Variants in SLAMF1 observed in about 807,000 individuals in gnomAD.
SLAMF1 encodes the protein signaling lymphocytic activation molecule family member 1.
A neutral mutation model predicts 35.1 loss-of-function variants in SLAMF1; 18 were observed. The ratio of observed to expected loss-of-function variants is 0.51; its 90% CI spans 0.35 to 0.76. The LOEUF (loss-of-function observed/expected upper bound fraction) is 0.76. SLAMF1 is among the 30% of genes least tolerant of loss of function. SLAMF1 has a pLI of 0.01. For missense variants in SLAMF1, 392 were observed against 413.0 expected, an observed-to-expected ratio of 0.95 and a Z score of 0.44; for synonymous variants, 168 against 157.2, an observed-to-expected ratio of 1.07 and a Z score of -0.51.
At chr1:160,622,613 G>A (rs1659674594) in intron 4 of SLAMF1, among the ~76,000 whole-genome samples, 1 of 152,100 alleles carries the variant, frequency 6.6e-6, no homozygotes, top group African/African-American at 2.4e-5. Context: ...ACCCATCGAT[G>A]GGAACCACTG....
intron 1 of SLAMF1, among the ~76,000 whole-genome samples, chr1:160,646,053 G>C (rs1336352547): frequency 2.0e-5 from 3 of 152,060 alleles, no homozygotes; most frequent in African/African-American, 2.4e-5. Context: ...TTCTTGCTTG[G>C]CTTTTTCTTT....
chr1:160,646,753 C>A, intron 1 of SLAMF1, 117 bp downstream of exon 1: 1 of 653,988 alleles, frequency 1.5e-6, no homozygotes, highest in Non-Finnish European at 2.9e-6. Context: ...CAGCCAGTCC[C>A]TAAGGAAGAG....
chr1:160,626,787 G>A (rs1659906241), intron 3 of SLAMF1, among the ~76,000 whole-genome samples: 2 of 152,050 alleles, frequency 1.3e-5, no homozygotes, highest in Admixed American at 1.3e-4. Context: ...AGCCCTCTGA[G>A]CAGCCAACCC....
chr1:160,617,015 G>T (rs971360204), intron 5 of SLAMF1, among the ~76,000 whole-genome samples: 3 of 152,122 alleles, frequency 2.0e-5, no homozygotes, highest in Admixed American at 2.0e-4. Flanking sequence ...AATGAGCCAG[G>T]TGTGGTGGTG....
chr1:160,634,739 G>A lies in SLAMF1; in HGVS notation c.574C>T (p.His192Tyr). Residue 192 changes from histidine (H) to tyrosine (Y), a missense_variant, in exon 3 of 7, where the codon CAC becomes TAC. Transcript: ENST00000302035. ...GGGCCGAGGGTGAGGGACAGGAGGTGGGAGCTGTTGGCTGGGTTCAGTGGG... is the reference window on the plus strand; with the variant it reads ...GGGCCGAGGGTGAGGGACAGGAGGTAGGAGCTGTTGGCTGGGTTCAGTGGG... ...THPLNPANSS[H>Y]LLSLTLGPQH... 6.2e-7 allele frequency: 1 copy of A among 1,614,200 alleles called. No homozygotes were observed. Among genetic ancestry groups the A allele is most frequent in the Non-Finnish European group, 8.5e-7 (1 of 1,180,038 alleles).
intron 2 of SLAMF1, among the ~76,000 whole-genome samples, chr1:160,635,330 T>C (rs1211670194): frequency 6.6e-6 from 1 of 152,094 alleles, no homozygotes; most frequent in Non-Finnish European, 1.5e-5. Flanking sequence ...GGAGGGTGTG[T>C]GTGTGTATGT....
At chr1:160,641,544 G>C (rs981503278) in intron 1 of SLAMF1, among the ~76,000 whole-genome samples, 1 of 152,184 alleles carries the variant, frequency 6.6e-6, no homozygotes, top group African/African-American at 2.4e-5. Flanking sequence ...GGGTAGATGA[G>C]AGAGGCTGAG....
chr1:160,611,320 A>G (rs925770694), intron 6 of SLAMF1, among the ~76,000 whole-genome samples: 2 of 152,246 alleles, frequency 1.3e-5, no homozygotes, highest in Non-Finnish European at 2.9e-5. Flanking sequence ...AATGTTAACT[A>G]TAGCATACTG....
At chr1:160,634,590 C>A (rs373131920) in intron 3 of SLAMF1, 23 bp downstream of exon 3, 1 of 1,569,202 alleles carries the variant, frequency 6.4e-7, no homozygotes, top group Non-Finnish European at 8.7e-7. Flanking sequence ...AGGTGGCACA[C>A]AGGCTGCCAC....
chr1:160,627,785 C>T (rs1028746114), intron 3 of SLAMF1, among the ~76,000 whole-genome samples: 2 of 152,256 alleles, frequency 1.3e-5, no homozygotes, highest in African/African-American at 4.8e-5. Context: ...TCTGTGCTTC[C>T]TTGGGTGCAA....
intron 3 of SLAMF1, among the ~76,000 whole-genome samples, chr1:160,628,874 C>T (rs1301183035): frequency 6.6e-6 from 1 of 152,216 alleles, no homozygotes; most frequent in African/African-American, 2.4e-5. Flanking sequence ...TCTGTGCCAT[C>T]GGCGCTTCAC....
At chr1:160,614,391 T>TAATG (rs1659173759) in intron 5 of SLAMF1, among the ~76,000 whole-genome samples, 1 of 151,648 alleles carries the variant, frequency 6.6e-6, no homozygotes, top group South Asian at 2.1e-4. Context: ...CTGGCCAACA[T>TAATG]AGTGAAACCC....
chr1:160,617,164 A>T (rs113155023), intron 5 of SLAMF1, among the ~76,000 whole-genome samples: 1 of 141,982 alleles, frequency 7.0e-6, no homozygotes, highest in Non-Finnish European at 1.6e-5. Context: ...TCAAAAAAAA[A>T]TTTAAAAAAA....
chr1:160,616,810 T>A (rs917283995), intron 5 of SLAMF1, among the ~76,000 whole-genome samples: 32 of 152,174 alleles, frequency 2.1e-4, no homozygotes, highest in African/African-American at 7.7e-4. Flanking sequence ...ATAAGACACA[T>A]CCAACAGTAG....
At chr1:160,646,605 C>G (rs1661050219) in intron 1 of SLAMF1, among the ~76,000 whole-genome samples, 1 of 152,162 alleles carries the variant, frequency 6.6e-6, no homozygotes, top group Non-Finnish European at 1.5e-5. Context: ...TAAGACTGGT[C>G]AGAAAAGTGA....
intron 3 of SLAMF1, among the ~76,000 whole-genome samples, chr1:160,630,423 C>T (rs6697237): frequency 0.018 from 2,689 of 152,278 alleles, 65 homozygotes; most frequent in African/African-American, 0.061. Context: ...ATTCAGTGCT[C>T]ACATCACATT....
rs1660493809 is a variant in SLAMF1 at position 160,637,171 on chromosome 1, G to A, written c.415+20C>T. ...GCACCTTGGCCCTTTAGTGTGGACT[G>A]GGGAAGCCGCCATTATTACCATAAA... is the stretch of plus-strand genomic sequence containing the variant. On this transcript the variant is annotated intron_variant, in intron 2 of 6. Transcript: ENST00000302035. 1 of 1,586,020 alleles carries A rather than the reference G, an allele frequency of 6.3e-7. No individual in the cohort carries two copies. The highest frequency in any genetic ancestry group is 2.2e-5 in the East Asian group (1 of 44,738).
intron 5 of SLAMF1, among the ~76,000 whole-genome samples, chr1:160,612,832 T>C (rs1403114371): frequency 1.3e-5 from 2 of 152,196 alleles, no homozygotes; most frequent in Non-Finnish European, 2.9e-5. Flanking sequence ...CCATTGTCAG[T>C]GCTTCTCAAA....
intron 4 of SLAMF1, 104 bp downstream of exon 4, chr1:160,623,992 A>G (rs955182053): frequency 1.3e-6 from 1 of 764,872 alleles, no homozygotes; most frequent in African/African-American, 1.8e-5. Flanking sequence ...AGGTGGCCCC[A>G]TGCAGAAAGC....
Sources: allele counts gnomAD v4.1 joint callset (sites outside exome capture counted in the v4.1 genomes callset), GRCh38; gene constraint gnomAD v4.1.1; transcripts MANE v1.5; gene names NCBI Gene and HGNC (gene_info 2026-07-23, HGNC 2026-07-21).